Variants in VPS53 observed in about 807,000 individuals in gnomAD.
VPS53 encodes vacuolar protein sorting-associated protein 53 homolog.
A neutral mutation model predicts 107.0 loss-of-function variants in VPS53; 70 were observed. The ratio of observed to expected loss-of-function variants is 0.65; its 90% CI spans 0.54 to 0.80. VPS53 has a LOEUF of 0.80. Among genes scored for constraint, VPS53 ranks in the 30% least tolerant of loss-of-function variants. The pLI is 0.00. For missense variants in VPS53, 917 were observed against 1,049.4 expected (o/e 0.87, Z 1.74); for synonymous variants, 409 against 393.3 (o/e 1.04, Z -0.47).
Position 509,615 on chromosome 17 carries a change from G to T in VPS53, c.*9513C>A. ...TCCTGGCTCACCCCTCACTAGTCAC[G>T]TATGGAATCCTGGCTCGCCCCTCAC... is the stretch of plus-strand genomic sequence containing the variant. On this transcript the variant is annotated 3_prime_UTR_variant, in exon 22 of 22. Coordinates refer to ENST00000437048, the MANE Select transcript of VPS53 (RefSeq NM_001128159.3). 7.2e-6 allele frequency: 1 copy of T among 138,188 alleles called. No individual in the cohort carries two copies. The highest frequency in any genetic ancestry group is 1.5e-5 in the Non-Finnish European group (1 of 66,922). The allele number at this position is 138,188 out of a possible 1,614,324, so 8.6% of individuals were successfully genotyped here.
intron 11 of VPS53, among the ~76,000 whole-genome samples, chr17:618,151 G>A (rs12952279): frequency 3.4e-4 from 18 of 53,098 alleles, no homozygotes; most frequent in Admixed American, 8.1e-4. Context: ...ACAGGCGTGC[G>A]CCACCACGCC....
intron 4 of VPS53, among the ~76,000 whole-genome samples, chr17:667,519 G>A (rs1437688361): frequency 1.2e-5 from 1 of 85,924 alleles, no homozygotes; most frequent in Non-Finnish European, 2.1e-5. Context: ...GTTAATTACA[G>A]AAGAGGACTG....
intron 4 of VPS53, among the ~76,000 whole-genome samples, chr17:694,507 T>C (rs1215913600): frequency 6.6e-6 from 1 of 152,164 alleles, no homozygotes; most frequent in South Asian, 2.1e-4. Context: ...ATTTTAAACA[T>C]CTATGACTCC....
chr17:711,847 C>T (rs566837643), intron 1 of VPS53, among the ~76,000 whole-genome samples: 3 of 147,850 alleles, frequency 2.0e-5, no homozygotes, highest in South Asian at 2.1e-4. Context: ...CACGGAGTCT[C>T]GCGCTGTCAC....
intron 2 of VPS53, among the ~76,000 whole-genome samples, chr17:709,807 C>T (rs74251934): frequency 0.098 from 14,964 of 152,192 alleles, 821 homozygotes; most frequent in East Asian, 0.21. Flanking sequence ...TCCATCTCCA[C>T]AGGAAAATCA....
chr17:710,984 C>T (rs1010217028), intron 1 of VPS53, among the ~76,000 whole-genome samples: 5 of 151,986 alleles, frequency 3.3e-5, no homozygotes, highest in Admixed American at 6.6e-5. Context: ...AATAAGGCTG[C>T]GCGGATCGCT....
chr17:568,016 A>G (rs1436408955), intron 13 of VPS53, among the ~76,000 whole-genome samples: 2 of 152,148 alleles, frequency 1.3e-5, no homozygotes, highest in Non-Finnish European at 2.9e-5. Flanking sequence ...TGGTATCAGT[A>G]GAGGGAAAAA....
chr17:611,440 C>A (rs9916848), intron 11 of VPS53, among the ~76,000 whole-genome samples: 150,857 of 152,360 alleles, frequency 0.99, 74,707 homozygotes, highest in East Asian at 1. Flanking sequence ...AAAGGAGACA[C>A]GCGTCAGCAA....
intron 12 of VPS53, among the ~76,000 whole-genome samples, chr17:595,964 G>A (rs1399499395): frequency 7.1e-6 from 1 of 140,774 alleles, no homozygotes; most frequent in Non-Finnish European, 1.5e-5. Context: ...GCACTCTAGT[G>A]TCCCCCTGGA....
At chr17:590,951 T>C (rs948202735) in intron 12 of VPS53, among the ~76,000 whole-genome samples, 1 of 152,058 alleles carries the variant, frequency 6.6e-6, no homozygotes, top group Non-Finnish European at 1.5e-5. Flanking sequence ...TCAGAAGGAA[T>C]GGTACCAGTT....
intron 4 of VPS53, among the ~76,000 whole-genome samples, chr17:696,832 G>T (rs930855391): frequency 1.6e-5 from 2 of 124,848 alleles, no homozygotes; most frequent in African/African-American, 6.3e-5. Flanking sequence ...CACCCCTGTC[G>T]TCCATGCTGG....
intron 2 of VPS53, among the ~76,000 whole-genome samples, chr17:706,511 T>TC (rs1457207551): frequency 6.8e-6 from 1 of 146,256 alleles, no homozygotes; most frequent in Non-Finnish European, 1.5e-5. Context: ...CATTCCATCC[T>TC]GGCAACAGAG....
intron 12 of VPS53, among the ~76,000 whole-genome samples, chr17:589,397 G>C (rs978150312): frequency 2.0e-5 from 3 of 151,860 alleles, no homozygotes; most frequent in Admixed American, 6.6e-5. Context: ...TTGATCTATG[G>C]TAATAGAATT....
chr17:635,568 T>G (rs1030671632), intron 7 of VPS53, among the ~76,000 whole-genome samples: 14 of 152,204 alleles, frequency 9.2e-5, no homozygotes, highest in Non-Finnish European at 2.1e-4. Flanking sequence ...TGAATTAATT[T>G]TTGTATAAGG....
chr17:549,211 AG>A (rs1395350850), intron 17 of VPS53, among the ~76,000 whole-genome samples: 1 of 152,242 alleles, frequency 6.6e-6, no homozygotes, highest in African/African-American at 2.4e-5. Context: ...TTATCACAAA[AG>A]TTTTTTTAAA....
Position 570,936 on chromosome 17 carries a change from T to C in VPS53, c.1314-8191A>G, listed in dbSNP as rs114415460. Among the ~76,000 whole-genome samples the C allele has an allele frequency of 6.4e-3, 969 of 152,338 alleles. 10 individuals carry two copies. The highest frequency in any genetic ancestry group is 0.022 in the African/African-American group (919 of 41,572). On this transcript the variant is annotated intron_variant, in intron 13 of 21. Transcript: ENST00000437048. ...GATGTGGACAGTTGTACTGTGGTTA[T>C]GTAGAAACCTTGTTTCTAAGAAATA...
At chr17:645,416 AG>A (rs1970645969) in intron 7 of VPS53, among the ~76,000 whole-genome samples, 1 of 152,236 alleles carries the variant, frequency 6.6e-6, no homozygotes. Context: ...ATCCATTATC[AG>A]ATAAATGATT....
At chr17:537,329 T>C in intron 17 of VPS53, 153 bp from the exon 18 acceptor site, 1 of 817,042 alleles carries the variant, frequency 1.2e-6, no homozygotes, top group Non-Finnish European at 1.9e-6. Flanking sequence ...TTATTCGTTC[T>C]GTAGGGACTG....
intron 5 of VPS53, among the ~76,000 whole-genome samples, chr17:658,661 G>C (rs561513317): frequency 6.8e-6 from 1 of 146,236 alleles, no homozygotes; most frequent in Non-Finnish European, 1.5e-5. Context: ...CCGTGAGTTC[G>C]TGGATAGATA....
Sources: allele counts gnomAD v4.1 joint callset (sites outside exome capture counted in the v4.1 genomes callset), GRCh38; gene constraint gnomAD v4.1.1; transcripts MANE v1.5; gene names NCBI Gene and HGNC (gene_info 2026-07-23, HGNC 2026-07-21).